The following ABCA10 variants were observed in gnomAD, a reference collection of about 807,000 sequenced individuals.
The protein encoded by ABCA10 is ATP-binding cassette sub-family A member 10.
A neutral mutation model predicts 187.5 loss-of-function variants in ABCA10; 169 were observed. The ratio of observed to expected loss-of-function variants is 0.90; its 90% CI spans 0.80 to 1.02. ABCA10 has a LOEUF of 1.02. Among genes scored for constraint, ABCA10 ranks in the 50% least tolerant of loss-of-function variants. ABCA10 has a pLI of 0.00. For missense variants in ABCA10, 1,727 were observed against 1,812.4 expected (o/e 0.95, Z 0.86); for synonymous variants, 574 against 601.8 (o/e 0.95, Z 0.68).
At chr17:69,199,428 A>G (rs2074528068) in intron 10 of ABCA10, among the ~76,000 whole-genome samples, 1 of 152,228 alleles carries the variant, frequency 6.6e-6, no homozygotes, top group African/African-American at 2.4e-5. Context: ...CTGGTCCAGA[A>G]TGATCAAAGA....
At chr17:69,197,781 A>T (rs1568065308) in intron 10 of ABCA10, among the ~76,000 whole-genome samples, 1 of 152,054 alleles carries the variant, frequency 6.6e-6, no homozygotes, top group Non-Finnish European at 1.5e-5. Flanking sequence ...GGCGTACTTT[A>T]TGGACTCCTT....
chr17:69,182,028 A>T (rs2074383674), intron 22 of ABCA10, 125 bp downstream of exon 22: 2 of 946,852 alleles, frequency 2.1e-6, no homozygotes, highest in South Asian at 6.9e-5. Context: ...AAAGGCAAGG[A>T]GTAGCTAAGA....
chr17:69,239,415 A>G (rs977124583), intron 1 of ABCA10, among the ~76,000 whole-genome samples: 2 of 152,230 alleles, frequency 1.3e-5, no homozygotes, highest in African/African-American at 4.8e-5. Flanking sequence ...TAAATGCTCT[A>G]AGAAATCAGA....
upstream of ABCA10, among the ~76,000 whole-genome samples, chr17:69,231,212 ACTCT>A (rs1180697133): frequency 6.6e-6 from 1 of 151,930 alleles, no homozygotes; most frequent in African/African-American, 2.4e-5. Context: ...CAGATACGTA[ACTCT>A]AATATCTGTG....
chr17:69,212,292 G>A (rs910354543), intron 9 of ABCA10, among the ~76,000 whole-genome samples: 4 of 152,076 alleles, frequency 2.6e-5, no homozygotes, highest in African/African-American at 7.2e-5. Context: ...GGTTCTGAGG[G>A]CTCCTTTTGG....
In ABCA10 at chr17:69,193,210, G is replaced by C. The variant is rs750548629; in HGVS notation, c.1680C>G (p.Pro560=). 2.6e-5 allele frequency: 42 copies of C among 1,613,898 alleles called. 1 individual carries two copies. The highest frequency in any genetic ancestry group is 3.3e-4 in the Middle Eastern group (2 of 6,084). Residue 560 remains proline (P), a synonymous_variant, in exon 15 of 39, where the codon CCC becomes CCG. Coordinates refer to ENST00000690296, the MANE Select transcript of ABCA10 (RefSeq NM_001377321.1). ...GGCTCCACACTCGGTGTCTTGAAAA[G>C]GGATCCAATCCAGCAGTTGGTTCAT... ...LLDEPTAGLD[P]FSRHRVWSLL... is the part of the protein sequence containing the mutation.
chr17:69,173,578 CT>C (rs1023671398), intron 25 of ABCA10, among the ~76,000 whole-genome samples: 4 of 152,126 alleles, frequency 2.6e-5, no homozygotes, highest in African/African-American at 7.2e-5. Flanking sequence ...AAGGGCGTGC[CT>C]AAGATGAGCC....
intron 6 of ABCA10, among the ~76,000 whole-genome samples, chr17:69,218,250 G>A (rs1598122711): frequency 6.6e-6 from 1 of 152,064 alleles, no homozygotes; most frequent in African/African-American, 2.4e-5. Flanking sequence ...TTCACAAAAG[G>A]CTTTTTCTAT....
At position 69,154,330 on chromosome 17, in the gene ABCA10, G is replaced by C. The variant is rs2074156443; in HGVS notation, c.3695-4C>G. 6.3e-7 allele frequency: 1 copy of C among 1,584,788 alleles called. No homozygotes were observed. The highest frequency in any genetic ancestry group is 1.2e-5 in the South Asian group (1 of 85,832). ...CCTAGTAATCCCAAAACTTCACCTG[G>C]AAGAAAGAGTCACCATCAATATTTG... On this transcript the variant is annotated splice_polypyrimidine_tract_variant and splice_region_variant and intron_variant, in intron 30 of 38. Coordinates refer to ENST00000690296, the MANE Select transcript of ABCA10 (RefSeq NM_001377321.1).
At chr17:69,236,599 A>G (rs865805628) in intron 1 of ABCA10, among the ~76,000 whole-genome samples, 15 of 152,210 alleles carry the variant, frequency 9.9e-5, no homozygotes, top group African/African-American at 3.4e-4. Flanking sequence ...TTACTTGTGT[A>G]TGGAAAAACT....
chr17:69,232,050 A>G (rs976296443), upstream of ABCA10, among the ~76,000 whole-genome samples: 10 of 152,070 alleles, frequency 6.6e-5, no homozygotes, highest in African/African-American at 2.4e-4. Context: ...ATATAAGTAT[A>G]GCTACTCCTA....
intron 22 of ABCA10, among the ~76,000 whole-genome samples, chr17:69,176,502 A>G (rs990809900): frequency 8.5e-5 from 13 of 152,102 alleles, no homozygotes; most frequent in Non-Finnish European, 1.5e-4. Flanking sequence ...AGCAATGAAA[A>G]GGTTGTTCTA....
At chr17:69,232,467 A>G (rs2074838369), upstream of ABCA10, among the ~76,000 whole-genome samples, 2 of 152,178 alleles carry the variant, frequency 1.3e-5, no homozygotes, top group East Asian at 1.9e-4. Flanking sequence ...AAAATAACTT[A>G]ACTTTGATAG....
chr17:69,173,493 C>CAGA (rs576860547), intron 25 of ABCA10, among the ~76,000 whole-genome samples: 102 of 152,144 alleles, frequency 6.7e-4, no homozygotes, highest in Non-Finnish European at 1.4e-3. Context: ...AAGGAAAATC[C>CAGA]AGAAGAAGAA....
intron 17 of ABCA10, among the ~76,000 whole-genome samples, chr17:69,190,881 A>T (rs1025610133): frequency 6.6e-6 from 1 of 152,012 alleles, no homozygotes. Flanking sequence ...TTTAAAAGAT[A>T]AAGTCTCATT....
In ABCA10 at chr17:69,225,320, C is replaced by T; in HGVS notation, c.34+5G>A. On this transcript the variant is annotated splice_donor_5th_base_variant and intron_variant, in intron 3 of 38. Coordinates refer to ENST00000690296, the MANE Select transcript of ABCA10 (RefSeq NM_001377321.1). ...TACTGAAACATTGGTTATTGGACAA[C>T]ACACCTTTCATAAAGGAAGCCAAGG... is the stretch of plus-strand genomic sequence containing the variant. 1 of 1,613,100 alleles carries T rather than the reference C, an allele frequency of 6.2e-7. No homozygotes were observed. The highest frequency in any genetic ancestry group is 8.5e-7 in the Non-Finnish European group (1 of 1,179,314).
At chr17:69,223,627 C>T (rs1468512) in intron 3 of ABCA10, 63,554 of 435,346 alleles carry the variant, frequency 0.15, 6,112 homozygotes, top group African/African-American at 0.35. Context: ...TGTAGCCATA[C>T]CTTTCAAAAC....
chr17:69,191,450 A>T, intron 16 of ABCA10, 135 bp from the exon 17 acceptor site: 1 of 899,114 alleles, frequency 1.1e-6, no homozygotes, highest in African/African-American at 1.7e-5. Flanking sequence ...GGTTCCTGCA[A>T]ATCAGATACT....
At position 69,214,864 on chromosome 17, in the gene ABCA10, AG is replaced by A. The variant is rs767672832; in HGVS notation, c.859-14del. Reference sequence around the variant, plus strand: ...CCAGGTGTGTAATCTGAGATTTAAAAGAAAAAATAAAATGTTAGATGAACTT... The same window carrying A: ...CCAGGTGTGTAATCTGAGATTTAAAAAAAAAATAAAATGTTAGATGAACTT... On this transcript the variant is annotated splice_polypyrimidine_tract_variant and intron_variant, in intron 8 of 38. Transcript: ENST00000690296. 1.4e-5 allele frequency: 21 copies of A among 1,463,834 alleles called. No individual in the cohort carries two copies. In the South Asian group the frequency reaches 2.9e-4, roughly 21 times the overall value. The allele number at this position is 1,463,834 out of a possible 1,614,324, so 90.7% of individuals were successfully genotyped here. A position where few individuals can be genotyped will look rare whatever the true frequency, so the allele number is the denominator to read the frequency against.
Sources: allele counts gnomAD v4.1 joint callset (sites outside exome capture counted in the v4.1 genomes callset), GRCh38; gene constraint gnomAD v4.1.1; transcripts MANE v1.5; gene names NCBI Gene and HGNC (gene_info 2026-07-23, HGNC 2026-07-21).